Variants in GRIK4 observed in about 807,000 individuals in gnomAD.
GRIK4 encodes glutamate receptor ionotropic, kainate 4.
GRIK4 carries 40 observed loss-of-function variants against 104.9 expected under a neutral mutation model. The observed-to-expected ratio is 0.38, with a 90% confidence interval of 0.30 to 0.50. GRIK4 has a LOEUF of 0.50. GRIK4 is among the 20% of genes least tolerant of loss of function. The pLI is 0.93. For missense variants in GRIK4, 1,047 were observed against 1,308.1 expected (o/e 0.80, Z 3.08); for synonymous variants, 485 against 524.9 (o/e 0.92, Z 1.04).
chr11:120,984,767 C>G (rs1944710367), intron 20 of GRIK4, among the ~76,000 whole-genome samples: 1 of 144,718 alleles, frequency 6.9e-6, no homozygotes, highest in African/African-American at 2.6e-5. Context: ...AGACTCTTGT[C>G]TAAAAAAAAC....
At chr11:120,891,095 T>C (rs1302346729) in intron 11 of GRIK4, among the ~76,000 whole-genome samples, 1 of 152,226 alleles carries the variant, frequency 6.6e-6, no homozygotes, top group Non-Finnish European at 1.5e-5. Flanking sequence ...CCCTGTGTGA[T>C]TCTAGGCAGG....
chr11:120,777,289 C>G (rs1341478440), intron 3 of GRIK4, among the ~76,000 whole-genome samples: 1 of 152,216 alleles, frequency 6.6e-6, no homozygotes, highest in East Asian at 1.9e-4. Flanking sequence ...GGTGTCATTT[C>G]TCTGTGACCA....
intron 8 of GRIK4, among the ~76,000 whole-genome samples, chr11:120,849,506 C>T (rs767973001): frequency 6.6e-6 from 1 of 152,200 alleles, no homozygotes; most frequent in Admixed American, 6.5e-5. Context: ...AAAATCTACC[C>T]ATTTCCCAAA....
At chr11:120,909,451 T>A (rs758463998) in intron 13 of GRIK4, among the ~76,000 whole-genome samples, 14 of 152,228 alleles carry the variant, frequency 9.2e-5, no homozygotes, top group Non-Finnish European at 2.1e-4. Flanking sequence ...GGATTTCTTC[T>A]TGGGGGTCCA....
intron 1 of GRIK4, among the ~76,000 whole-genome samples, chr11:120,543,912 C>G (rs1948061317): frequency 6.6e-6 from 1 of 152,192 alleles, no homozygotes. Flanking sequence ...TATGATCTCA[C>G]TTACATGTGG....
rs1195591972 is a variant in GRIK4, at chr11:120,549,978, C to G, written c.-159+38091C>G. 6.6e-6 allele frequency among the ~76,000 whole-genome samples: 1 copy of G among 152,112 alleles called. No homozygotes were observed. Among genetic ancestry groups the G allele is most frequent in the African/African-American group, 2.4e-5 (1 of 41,404 alleles). ...TTTGAGTTGCGTTTTCTGTCACTTGCAAGGGGTTTGGTTCTAAGTGCAATG... is the reference window on the plus strand; with the variant it reads ...TTTGAGTTGCGTTTTCTGTCACTTGGAAGGGGTTTGGTTCTAAGTGCAATG... On this transcript the variant is annotated intron_variant, in intron 1 of 20. Coordinates refer to ENST00000527524, the MANE Select transcript of GRIK4 (RefSeq NM_014619.5). The surrounding 1 kb of genome is among the most constrained non-coding windows in gnomAD (Gnocchi z 4.7).
chr11:120,828,034 G>C (rs896302068), intron 6 of GRIK4, among the ~76,000 whole-genome samples: 1 of 152,164 alleles, frequency 6.6e-6, no homozygotes, highest in African/African-American at 2.4e-5. Context: ...CCTCTGGCCA[G>C]GCACCCAAGT....
chr11:120,798,897 C>T (rs965597334), intron 3 of GRIK4, among the ~76,000 whole-genome samples: 1 of 152,170 alleles, frequency 6.6e-6, no homozygotes, highest in African/African-American at 2.4e-5. Flanking sequence ...GTTAGAACTT[C>T]AGTATATGAA....
At chr11:120,975,958 T>C (rs980756708) in intron 19 of GRIK4, among the ~76,000 whole-genome samples, 2 of 152,186 alleles carry the variant, frequency 1.3e-5, no homozygotes, top group Admixed American at 6.5e-5. Context: ...ACTGTAAGGA[T>C]TGAGTTAAAA....
chr11:120,856,186 C>A (rs911314984), intron 8 of GRIK4, among the ~76,000 whole-genome samples: 1 of 152,178 alleles, frequency 6.6e-6, no homozygotes, highest in Non-Finnish European at 1.5e-5. Flanking sequence ...GTGAACACAT[C>A]GAAAGTTCAG....
At chr11:120,924,755 G>A (rs933830106) in intron 13 of GRIK4, among the ~76,000 whole-genome samples, 3 of 152,108 alleles carry the variant, frequency 2.0e-5, no homozygotes, top group Admixed American at 6.5e-5. Flanking sequence ...ACAGTTTTGG[G>A]GTATGACTAT....
intron 4 of GRIK4, among the ~76,000 whole-genome samples, chr11:120,803,586 T>A (rs1387532899): frequency 6.6e-6 from 1 of 152,100 alleles, no homozygotes; most frequent in African/African-American, 2.4e-5. Flanking sequence ...TACAGGGGTG[T>A]GCCACCATGC....
chr11:120,577,471 G>A (rs536705918), intron 1 of GRIK4, among the ~76,000 whole-genome samples: 50 of 152,120 alleles, frequency 3.3e-4, no homozygotes, highest in African/African-American at 1.2e-3. Context: ...CGGGGGGTTC[G>A]TCTTTTCCTT....
chr11:120,686,022 A>C lies in GRIK4; in HGVS notation c.82+25622A>C, dbSNP rs576866912. ...GATTTCAGCTGAGGGATGTTGGGTA[A>C]ATTAATTTACTTTTGAGTCTCAGTA... On this transcript the variant is annotated intron_variant, in intron 3 of 20. Coordinates refer to ENST00000527524, the MANE Select transcript of GRIK4 (RefSeq NM_014619.5). 9.9e-5 allele frequency among the ~76,000 whole-genome samples: 15 copies of C among 152,196 alleles called. No homozygotes were observed. The South Asian group carries it at 3.1e-3, about 32-fold the overall frequency.
At chr11:120,775,492 T>C (rs1372681374) in intron 3 of GRIK4, among the ~76,000 whole-genome samples, 2 of 152,192 alleles carry the variant, frequency 1.3e-5, no homozygotes, top group African/African-American at 4.8e-5. Context: ...ATCTAACATG[T>C]TCATGAATAT....
chr11:120,705,542 A>G (rs1950616315), intron 3 of GRIK4, among the ~76,000 whole-genome samples: 1 of 152,194 alleles, frequency 6.6e-6, no homozygotes, highest in African/African-American at 2.4e-5. Flanking sequence ...TTCCATTTCT[A>G]TAAAAAGCCA....
Position 120,967,358 on chromosome 11 carries a change from A to G in GRIK4, c.2395+35A>G. On this transcript the variant is annotated intron_variant, in intron 19 of 20. Coordinates refer to ENST00000527524, the MANE Select transcript of GRIK4 (RefSeq NM_014619.5). This position sits in a 1 kb window ranked among gnomAD's most constrained non-coding sequence, Gnocchi z 4.2. ...TTCAGGGCCATCCTCCTCCTGCCCT[A>G]GAGGACCAAAGTAGCTTGTTTCTCG... The G allele has an allele frequency of 6.3e-7, 1 of 1,584,642 alleles. No homozygotes were observed. The highest frequency in any genetic ancestry group is 8.6e-7 in the Non-Finnish European group (1 of 1,165,266).
intron 19 of GRIK4, among the ~76,000 whole-genome samples, chr11:120,977,268 C>T (rs889308050): frequency 3.3e-5 from 5 of 152,148 alleles, no homozygotes; most frequent in South Asian, 2.1e-4. Context: ...AGCCATCTGC[C>T]TGCATGGTTT....
chr11:120,713,387 C>T (rs999161397), intron 3 of GRIK4, among the ~76,000 whole-genome samples: 3 of 152,106 alleles, frequency 2.0e-5, no homozygotes, highest in Non-Finnish European at 4.4e-5. Context: ...ACCTGAAAAG[C>T]CCCCCGAACC....
Sources: gnomAD v4.1 joint callset for allele counts (sites outside exome capture counted in the v4.1 genomes callset) on GRCh38, gnomAD v4.1.1 for gene constraint, Gnocchi (gnomAD v3.1) non-coding constraint, MANE v1.5 for transcripts, NCBI Gene and HGNC (gene_info 2026-07-23, HGNC 2026-07-21) for gene names.